MAGI2: variants seen among roughly 807,000 people sequenced by gnomAD.
The protein encoded by MAGI2 is membrane-associated guanylate kinase, WW and PDZ domain-containing protein 2.
MAGI2 carries 35 observed loss-of-function variants against 133.3 expected under a neutral mutation model. The observed-to-expected ratio is 0.26, with a 90% CI of 0.20 to 0.35. MAGI2 has a LOEUF of 0.35. Ranked by LOEUF, MAGI2 falls within the 10% of genes least tolerant of loss-of-function variation. The pLI, the probability that MAGI2 is intolerant of heterozygous loss-of-function variation, is 1.00. For missense variants in MAGI2, 1,636 were observed against 1,863.4 expected (o/e 0.88, Z 2.25); for synonymous variants, 729 against 710.6 (o/e 1.03, Z -0.41).
At position 79,146,760 on chromosome 7, in the gene MAGI2, A is replaced by T. The variant is rs571385548; in HGVS notation, c.302-139554T>A. Among the ~76,000 whole-genome samples, 37 of 152,256 alleles carry T rather than the reference A, an allele frequency of 2.4e-4. 1 individual carries two copies. In the South Asian group the frequency reaches 7.5e-3, roughly 31 times the overall value. ...GTGGAACTGTGAGTGCATTAAACCT[A>T]TTTCCTTTTTAAATTACCCAGTCTT... On this transcript the variant is annotated intron_variant, in intron 1 of 21. Coordinates refer to ENST00000354212, the MANE Select transcript of MAGI2 (RefSeq NM_012301.4).
intron 1 of MAGI2, among the ~76,000 whole-genome samples, chr7:79,111,028 C>A (rs1818884849): frequency 6.6e-6 from 1 of 152,180 alleles, no homozygotes; most frequent in Admixed American, 6.5e-5. Flanking sequence ...CAGATGCCAG[C>A]AGCCTCCAGT....
At chr7:78,629,221 T>G (rs1048731691) in intron 2 of MAGI2, among the ~76,000 whole-genome samples, 4 of 152,200 alleles carry the variant, frequency 2.6e-5, no homozygotes, top group African/African-American at 4.8e-5. Flanking sequence ...CCTCTGTGAT[T>G]GAGTTCTTCC....
intron 20 of MAGI2, among the ~76,000 whole-genome samples, chr7:78,088,707 C>T (rs1816884994): frequency 6.6e-6 from 1 of 152,154 alleles, no homozygotes; most frequent in Non-Finnish European, 1.5e-5. Context: ...GCCAGGCCCA[C>T]AGCACCAAGG....
intron 20 of MAGI2, among the ~76,000 whole-genome samples, chr7:78,111,786 G>C (rs967324702): frequency 1.3e-5 from 2 of 152,362 alleles, no homozygotes; most frequent in South Asian, 4.1e-4. Flanking sequence ...GGATGATTAA[G>C]AGTGATGGCT....
chr7:78,840,482 A>G (rs1326672377), intron 2 of MAGI2, among the ~76,000 whole-genome samples: 4 of 152,058 alleles, frequency 2.6e-5, no homozygotes, highest in Non-Finnish European at 5.9e-5. Context: ...CTTTCTAACA[A>G]GATCCCAGGT....
At chr7:79,270,502 C>T (rs576402296) in intron 1 of MAGI2, among the ~76,000 whole-genome samples, 49 of 152,244 alleles carry the variant, frequency 3.2e-4, no homozygotes, top group African/African-American at 1.2e-3. Flanking sequence ...TTTTCTCAAT[C>T]ATTTAACATT....
intron 2 of MAGI2, among the ~76,000 whole-genome samples, chr7:78,766,084 T>C (rs877682): frequency 0.085 from 12,954 of 152,222 alleles, 772 homozygotes; most frequent in East Asian, 0.23. Flanking sequence ...TGAGCTTTTG[T>C]GGCCCTTTGA....
chr7:78,251,484 T>C (rs567241598), intron 10 of MAGI2: 1 of 152,120 alleles, frequency 6.6e-6, no homozygotes, highest in East Asian at 1.9e-4. Context: ...TATTATGGAG[T>C]CTACAAAAAG....
chr7:78,915,515 T>C (rs947843433), intron 2 of MAGI2, among the ~76,000 whole-genome samples: 1 of 152,078 alleles, frequency 6.6e-6, no homozygotes, highest in Non-Finnish European at 1.5e-5. Context: ...CTAAGTCCCT[T>C]TACAAAATAA....
chr7:79,138,875 T>G (rs562773731), intron 1 of MAGI2, among the ~76,000 whole-genome samples: 144 of 150,570 alleles, frequency 9.6e-4, no homozygotes, highest in Middle Eastern at 3.5e-3. Context: ...GTGTGGTGGT[T>G]GGCCCCTGTA....
At chr7:78,582,537 A>G (rs894975776) in intron 3 of MAGI2, among the ~76,000 whole-genome samples, 1 of 152,212 alleles carries the variant, frequency 6.6e-6, no homozygotes, top group Non-Finnish European at 1.5e-5. Context: ...CTTTTCCCTG[A>G]CAGCCAAAGG....
chr7:79,266,866 C>A (rs1281283026), intron 1 of MAGI2, among the ~76,000 whole-genome samples: 1 of 152,060 alleles, frequency 6.6e-6, no homozygotes, highest in African/African-American at 2.4e-5. Context: ...CCTAAAGAAA[C>A]TAAAGGATAA....
intron 1 of MAGI2, among the ~76,000 whole-genome samples, chr7:79,128,667 T>A (rs1408544476): frequency 2.6e-5 from 4 of 152,196 alleles, no homozygotes; most frequent in African/African-American, 9.7e-5. Context: ...TTAAACAGGC[T>A]TGTGAGAAAA....
At chr7:78,033,144 G>A (rs1420131080) in intron 21 of MAGI2, among the ~76,000 whole-genome samples, 2 of 152,150 alleles carry the variant, frequency 1.3e-5, no homozygotes, top group African/African-American at 4.8e-5. Flanking sequence ...GATGGAGGTA[G>A]TGAGAAGGGG....
chr7:79,095,985 C>T (rs1190244714), intron 1 of MAGI2, among the ~76,000 whole-genome samples: 1 of 152,042 alleles, frequency 6.6e-6, no homozygotes, highest in Non-Finnish European at 1.5e-5. Flanking sequence ...CATGATTGTA[C>T]CTTTTCAGGA....
chr7:78,306,500 G>C lies in MAGI2; in HGVS notation c.1408+37278C>G, dbSNP rs746297706. 9.1e-4 allele frequency among the ~76,000 whole-genome samples: 139 copies of C among 152,290 alleles called. 5 individuals are homozygous for C. The highest frequency in any genetic ancestry group is 2.1e-4 in the South Asian group (1 of 4,820). ...TGCATAAAATAAAGTGCTATCTAGA[G>C]TGTTCTTGCCTTTGAAACTGTCATC... On this transcript the variant is annotated intron_variant, in intron 9 of 21. Coordinates refer to ENST00000354212, the MANE Select transcript of MAGI2 (RefSeq NM_012301.4).
intron 9 of MAGI2, among the ~76,000 whole-genome samples, chr7:78,258,328 A>G (rs906248640): frequency 6.6e-6 from 1 of 152,196 alleles, no homozygotes. Context: ...TGTCCCAGAG[A>G]AGTGTCTGAT....
At chr7:78,034,927 A>T (rs755936013) in intron 21 of MAGI2, 1 of 152,272 alleles carries the variant, frequency 6.6e-6, no homozygotes, top group Non-Finnish European at 1.5e-5. Flanking sequence ...CCACTCATTC[A>T]TTCACCTGTT....
At chr7:79,092,915 C>T (rs1817191289) in intron 1 of MAGI2, among the ~76,000 whole-genome samples, 1 of 152,050 alleles carries the variant, frequency 6.6e-6, no homozygotes, top group South Asian at 2.1e-4. Flanking sequence ...TCAAGTGTGA[C>T]CCACAATTTA....
Sources: allele counts gnomAD v4.1 joint callset (sites outside exome capture counted in the v4.1 genomes callset), GRCh38; gene constraint gnomAD v4.1.1; transcripts MANE v1.5; gene names NCBI Gene and HGNC (gene_info 2026-07-23, HGNC 2026-07-21).